The following ENTREP2 variants were observed in gnomAD, a reference collection of about 807,000 sequenced individuals.
ENTREP2 encodes protein ENTREP2.
At chr15:29,675,405 G>C in the ENTREP2 span, 1 of 152,458 alleles carries the variant, frequency 6.6e-6, no homozygotes, top group Admixed American at 6.5e-5. Flanking sequence ...GCCGGTCACT[G>C]CTACGGAGCC....
chr15:29,407,259 G>T, the ENTREP2 span, among the ~76,000 whole-genome samples: 1 of 152,146 alleles, frequency 6.6e-6, no homozygotes, highest in Admixed American at 6.5e-5. Context: ...TGAGTACTTT[G>T]TATTTAACAC....
chr15:29,429,689 C>A, the ENTREP2 span, among the ~76,000 whole-genome samples: 1 of 152,228 alleles, frequency 6.6e-6, no homozygotes, highest in Admixed American at 6.5e-5. Context: ...GGGACAAATT[C>A]GTCTGTGGTT....
the ENTREP2 span, among the ~76,000 whole-genome samples, chr15:29,176,320 G>GC: frequency 6.6e-6 from 1 of 152,148 alleles, no homozygotes; most frequent in Non-Finnish European, 1.5e-5. Flanking sequence ...TGTGGGAGGA[G>GC]CCCCCACCTT....
the ENTREP2 span, among the ~76,000 whole-genome samples, chr15:29,203,846 T>C: frequency 1.3e-5 from 2 of 152,168 alleles, no homozygotes; most frequent in Non-Finnish European, 2.9e-5. Flanking sequence ...AATTATCTCA[T>C]ATGATCACAT....
the ENTREP2 span, among the ~76,000 whole-genome samples, chr15:29,204,686 C>A: frequency 8.5e-4 from 129 of 152,238 alleles, no homozygotes; most frequent in Non-Finnish European, 1.6e-3. Context: ...AGTGCCAACG[C>A]TATTTGCCGG....
At chr15:29,204,058 T>C in the ENTREP2 span, among the ~76,000 whole-genome samples, 1 of 152,210 alleles carries the variant, frequency 6.6e-6, no homozygotes, top group African/African-American at 2.4e-5. Context: ...GAGTTTGTGA[T>C]TAATTCTTAG....
chr15:29,460,494 C>T, the ENTREP2 span, among the ~76,000 whole-genome samples: 4 of 151,832 alleles, frequency 2.6e-5, no homozygotes, highest in Non-Finnish European at 2.9e-5. Context: ...TAGCCCGGCA[C>T]GGTGGCGCGT....
At chr15:29,657,255 T>G in the ENTREP2 span, among the ~76,000 whole-genome samples, 3 of 151,768 alleles carry the variant, frequency 2.0e-5, no homozygotes, top group Non-Finnish European at 4.4e-5. Context: ...GCTACAGGGT[T>G]TCACCGTATT....
At chr15:29,436,431 C>A in the ENTREP2 span, among the ~76,000 whole-genome samples, 1 of 152,134 alleles carries the variant, frequency 6.6e-6, no homozygotes, top group Non-Finnish European at 1.5e-5. Flanking sequence ...ACTTTTTATT[C>A]CCCAAAGACA....
the ENTREP2 span, among the ~76,000 whole-genome samples, chr15:29,600,894 TTTTC>T: frequency 6.3e-5 from 7 of 111,646 alleles, no homozygotes; most frequent in East Asian, 9.1e-4. Flanking sequence ...AAAATATGAT[TTTTC>T]TTTCTTTTTT....
At chr15:29,667,346 C>G in the ENTREP2 span, among the ~76,000 whole-genome samples, 1 of 151,602 alleles carries the variant, frequency 6.6e-6, no homozygotes. Context: ...CACCACCATG[C>G]CCGGCTAATT....
chr15:29,656,706 G>A, the ENTREP2 span, among the ~76,000 whole-genome samples: 9 of 152,242 alleles, frequency 5.9e-5, no homozygotes, highest in Middle Eastern at 3.4e-3. Flanking sequence ...CCAAATGCTC[G>A]CAAGGACGTG....
At chr15:29,150,548 T>C in the ENTREP2 span, among the ~76,000 whole-genome samples, 6 of 152,002 alleles carry the variant, frequency 3.9e-5, no homozygotes, top group East Asian at 1.9e-4. Flanking sequence ...TTGGAGAAAA[T>C]TGCCAACATG....
At chr15:29,598,859 G>A in the ENTREP2 span, among the ~76,000 whole-genome samples, 15 of 152,144 alleles carry the variant, frequency 9.9e-5, no homozygotes, top group South Asian at 2.1e-4. Flanking sequence ...ACCGCGCCCA[G>A]CTAATTTTTT....
the ENTREP2 span, among the ~76,000 whole-genome samples, chr15:29,352,677 G>T: frequency 1.2e-3 from 177 of 152,210 alleles, 2 homozygotes; most frequent in African/African-American, 4.1e-3. Context: ...CCCACACCCT[G>T]GCTGCCGCTC....
the ENTREP2 span, among the ~76,000 whole-genome samples, chr15:29,644,006 A>G: frequency 6.6e-6 from 1 of 152,182 alleles, no homozygotes; most frequent in Non-Finnish European, 1.5e-5. Flanking sequence ...AAGCAGCATT[A>G]TTCATAATAT....
chr15:29,425,192 G>GT, the ENTREP2 span, among the ~76,000 whole-genome samples: 287 of 91,332 alleles, frequency 3.1e-3, 4 homozygotes, highest in Admixed American at 0.024. Flanking sequence ...CCACGTCCAG[G>GT]TTTTTTGTTT....
At chr15:29,432,803 G>A in the ENTREP2 span, among the ~76,000 whole-genome samples, 7 of 151,298 alleles carry the variant, frequency 4.6e-5, no homozygotes, top group East Asian at 2.0e-4. Context: ...TGAGATCCAC[G>A]CAGCTGTGAG....
the ENTREP2 span, among the ~76,000 whole-genome samples, chr15:29,333,884 G>A: frequency 1.2e-3 from 176 of 152,108 alleles, 1 homozygote; most frequent in South Asian, 2.3e-3. Flanking sequence ...TTTGAACACC[G>A]AGACATGAAC....
Sources: allele counts gnomAD v4.1 joint callset (sites outside exome capture counted in the v4.1 genomes callset), GRCh38; gene constraint gnomAD v4.1.1; transcripts MANE v1.5; gene names NCBI Gene and HGNC (gene_info 2026-07-23, HGNC 2026-07-21).